Variants in MYO5B observed in about 807,000 individuals in gnomAD.
MYO5B encodes the protein unconventional myosin-Vb.
A neutral mutation model predicts 229.3 loss-of-function variants in MYO5B; 143 were observed. That is an observed-to-expected ratio of 0.62 (90% CI 0.54 to 0.72). The LOEUF (loss-of-function observed/expected upper bound fraction) is 0.72, where lower values mean the gene tolerates loss of function less well. Among genes scored for constraint, MYO5B ranks in the 30% least tolerant of loss-of-function variants. MYO5B has a pLI of 0.00. For missense variants in MYO5B, 2,321 were observed against 2,331.0 expected (o/e 1.00, Z 0.09); for synonymous variants, 918 against 885.2 (o/e 1.04, Z -0.66).
intron 12 of MYO5B, among the ~76,000 whole-genome samples, chr18:49,960,352 C>T (rs981958579): frequency 2.0e-5 from 3 of 152,180 alleles, no homozygotes; most frequent in Non-Finnish European, 1.5e-5. Context: ...GCTTCCACAG[C>T]CCAACAGGAT....
chr18:50,114,939 C>G (rs558751239), intron 1 of MYO5B, among the ~76,000 whole-genome samples: 180 of 152,366 alleles, frequency 1.2e-3, no homozygotes, highest in Non-Finnish European at 1.9e-3. Context: ...TTGCCTCCTG[C>G]TTTCACACCC....
intron 16 of MYO5B, among the ~76,000 whole-genome samples, chr18:49,931,523 T>C (rs2025191669): frequency 6.6e-6 from 1 of 152,200 alleles, no homozygotes; most frequent in South Asian, 2.1e-4. Flanking sequence ...TCTTTCTAAC[T>C]AGAGTAAAAG....
chr18:50,132,439 T>C (rs2144548429), intron 1 of MYO5B, among the ~76,000 whole-genome samples: 1 of 152,332 alleles, frequency 6.6e-6, no homozygotes, highest in East Asian at 1.9e-4. Context: ...TTAATATATA[T>C]TCCAGGTACT....
chr18:50,186,329 T>C (rs891003933), intron 1 of MYO5B, among the ~76,000 whole-genome samples: 1 of 152,234 alleles, frequency 6.6e-6, no homozygotes, highest in African/African-American at 2.4e-5. Flanking sequence ...CTTTCCTGCA[T>C]TGTATGGATT....
intron 18 of MYO5B, among the ~76,000 whole-genome samples, chr18:49,908,348 G>C (rs184987300): frequency 6.6e-6 from 1 of 152,196 alleles, no homozygotes; most frequent in African/African-American, 2.4e-5. Flanking sequence ...CTGATCAGTC[G>C]ATCAATCATC....
chr18:49,867,417 A>G (rs1432611861), intron 27 of MYO5B, among the ~76,000 whole-genome samples: 2 of 151,992 alleles, frequency 1.3e-5, no homozygotes, highest in African/African-American at 4.8e-5. Flanking sequence ...ATGGATCAGT[A>G]TGTTGGTGAG....
chr18:50,141,002 A>G (rs1371009016), intron 1 of MYO5B, among the ~76,000 whole-genome samples: 1 of 152,228 alleles, frequency 6.6e-6, no homozygotes, highest in Non-Finnish European at 1.5e-5. Flanking sequence ...ACTGAGCCGC[A>G]GTGTTCAGAG....
At chr18:50,122,128 T>A (rs2032067977) in intron 1 of MYO5B, among the ~76,000 whole-genome samples, 1 of 152,104 alleles carries the variant, frequency 6.6e-6, no homozygotes, top group Admixed American at 6.5e-5. Flanking sequence ...CTGTGAGAAC[T>A]AAACATAAAG....
At chr18:49,935,853 G>T (rs907700125) in intron 16 of MYO5B, among the ~76,000 whole-genome samples, 7 of 152,232 alleles carry the variant, frequency 4.6e-5, no homozygotes, top group African/African-American at 1.4e-4. Flanking sequence ...CCATGTTCAT[G>T]TCCTATCGTC....
intron 2 of MYO5B, among the ~76,000 whole-genome samples, chr18:50,044,729 A>G (rs1442810201): frequency 1.3e-5 from 2 of 152,204 alleles, no homozygotes; most frequent in African/African-American, 4.8e-5. Flanking sequence ...CACACTAGCC[A>G]CTGTTAATAC....
In MYO5B at chr18:50,034,787, A is replaced by G. The variant is rs939841679; in HGVS notation, c.455+2063T>C. Among the ~76,000 whole-genome samples the G allele has an allele frequency of 5.8e-4, 88 of 152,218 alleles. 1 individual carries two copies. The highest frequency in any genetic ancestry group is 2.1e-4 in the Non-Finnish European group (14 of 67,996). ...AACAAAAAAACCAAAAAAACAAAAAAGCTCTCCCCTGTGGCCACATGTGCT... is the reference window on the plus strand; with the variant it reads ...AACAAAAAAACCAAAAAAACAAAAAGGCTCTCCCCTGTGGCCACATGTGCT... On this transcript the variant is annotated intron_variant, in intron 4 of 39. Transcript: ENST00000285039.
At chr18:49,909,063 C>A (rs2024930362) in intron 18 of MYO5B, among the ~76,000 whole-genome samples, 1 of 152,190 alleles carries the variant, frequency 6.6e-6, no homozygotes, top group African/African-American at 2.4e-5. Context: ...CCTTTGTCCC[C>A]ACTTCTCATC....
intron 27 of MYO5B, among the ~76,000 whole-genome samples, chr18:49,870,005 C>T (rs2024439735): frequency 3.3e-5 from 5 of 152,182 alleles, no homozygotes; most frequent in Admixed American, 3.3e-4. Flanking sequence ...CACTAAGCCT[C>T]CCTTGGGAAA....
chr18:50,148,170 G>T (rs2032535723), intron 1 of MYO5B, among the ~76,000 whole-genome samples: 1 of 151,384 alleles, frequency 6.6e-6, no homozygotes, highest in Non-Finnish European at 1.5e-5. Flanking sequence ...AATAACAGAA[G>T]CTGAAATTGT....
intron 12 of MYO5B, 86 bp downstream of exon 12, chr18:49,962,180 T>A: frequency 6.4e-7 from 1 of 1,574,110 alleles, no homozygotes; most frequent in South Asian, 1.1e-5. Flanking sequence ...TGATCACAGA[T>A]GAAATTCCAC....
At chr18:49,837,894 C>T (rs1033983398) in intron 36 of MYO5B, 92 bp from the exon 37 acceptor site, 3 of 1,484,926 alleles carry the variant, frequency 2.0e-6, no homozygotes, top group Non-Finnish European at 2.8e-6. Context: ...CGGGCTTTAG[C>T]AATGATACCA....
rs74795518 is a variant in MYO5B at position 50,140,645 on chromosome 18, A to G, written c.27+54122T>C. 5.4e-3 allele frequency among the ~76,000 whole-genome samples: 825 copies of G among 152,346 alleles called. 12 individuals carry two copies. Among genetic ancestry groups the G allele is most frequent in the African/African-American group, 0.019 (791 of 41,582 alleles). ...GAATGAAAACCAATTCTTTCCATTC[A>G]GCAGAGCACTAGGACGAAGATCTAA... On this transcript the variant is annotated intron_variant, in intron 1 of 39. Coordinates refer to ENST00000285039, the MANE Select transcript of MYO5B (RefSeq NM_001080467.3).
intron 1 of MYO5B, among the ~76,000 whole-genome samples, chr18:50,094,929 G>C (rs965786927): frequency 2.0e-5 from 3 of 152,142 alleles, no homozygotes; most frequent in South Asian, 4.1e-4. Flanking sequence ...CTAGGCTCAA[G>C]TGATTGTCAT....
intron 33 of MYO5B, among the ~76,000 whole-genome samples, chr18:49,843,982 C>T (rs1336166776): frequency 1.3e-5 from 2 of 152,192 alleles, no homozygotes; most frequent in African/African-American, 4.8e-5. Flanking sequence ...ATCAGGCAGG[C>T]CCCCCTTCCC....
Sources: allele counts gnomAD v4.1 joint callset (sites outside exome capture counted in the v4.1 genomes callset), GRCh38; gene constraint gnomAD v4.1.1; transcripts MANE v1.5; gene names NCBI Gene and HGNC (gene_info 2026-07-23, HGNC 2026-07-21).